Variants in RASAL2 observed in about 807,000 individuals in gnomAD.
RASAL2 encodes the protein ras GTPase-activating protein nGAP.
A neutral mutation model predicts 128.9 loss-of-function variants in RASAL2; 58 were observed. That is an observed-to-expected ratio of 0.45 (90% CI 0.36 to 0.56). The LOEUF (loss-of-function observed/expected upper bound fraction) is 0.56. Among genes scored for constraint, RASAL2 ranks in the 20% least tolerant of loss-of-function variants. The probability of loss-of-function intolerance (pLI) is 0.00; values close to 1 mark genes in which losing one functional copy is unlikely to be tolerated. For synonymous variants in RASAL2, 561 were observed against 580.8 expected, an observed-to-expected ratio of 0.97 and a Z score of 0.49; for missense variants, 1,360 against 1,601.6, an observed-to-expected ratio of 0.85 and a Z score of 2.57.
chr1:178,463,715 A>G (rs933826588), intron 14 of RASAL2, among the ~76,000 whole-genome samples: 1 of 152,134 alleles, frequency 6.6e-6, no homozygotes, highest in African/African-American at 2.4e-5. Flanking sequence ...TGCAAAAGTA[A>G]TTGCAGGTTT....
intron 3 of RASAL2, among the ~76,000 whole-genome samples, chr1:178,309,265 TCTTATTC>T (rs1462859974): frequency 1.3e-5 from 2 of 152,156 alleles, no homozygotes; most frequent in African/African-American, 4.8e-5. Context: ...AAATGTCATG[TCTTATTC>T]CTCTCCTGTA....
chr1:178,234,809 CTG>C (rs916545896), intron 1 of RASAL2, among the ~76,000 whole-genome samples: 1 of 152,058 alleles, frequency 6.6e-6, no homozygotes, highest in African/African-American at 2.4e-5. Context: ...CTTTCTAAAA[CTG>C]TGAGAATTGT....
intron 5 of RASAL2, among the ~76,000 whole-genome samples, chr1:178,437,634 C>T (rs779562395): frequency 2.0e-5 from 3 of 152,060 alleles, no homozygotes; most frequent in Non-Finnish European, 2.9e-5. Flanking sequence ...GATTTTTCCT[C>T]CCAGCAACTC....
At chr1:178,244,893 A>G (rs1664698590) in intron 1 of RASAL2, among the ~76,000 whole-genome samples, 1 of 152,200 alleles carries the variant, frequency 6.6e-6, no homozygotes, top group African/African-American at 2.4e-5. Context: ...GTGTCCCTCC[A>G]AAGGACATGA....
At chr1:178,198,368 G>A (rs1414626662) in intron 1 of RASAL2, among the ~76,000 whole-genome samples, 3 of 152,126 alleles carry the variant, frequency 2.0e-5, no homozygotes, top group Non-Finnish European at 2.9e-5. Flanking sequence ...AGCATCTGGA[G>A]GGGGCACTCT....
At chr1:178,258,891 T>G (rs1160076519) in intron 1 of RASAL2, among the ~76,000 whole-genome samples, 1 of 152,088 alleles carries the variant, frequency 6.6e-6, no homozygotes, top group Non-Finnish European at 1.5e-5. Flanking sequence ...ATAAATAAAA[T>G]GTAGTATATC....
chr1:178,162,291 A>ATATT (rs1661334865), intron 1 of RASAL2, among the ~76,000 whole-genome samples: 1 of 125,318 alleles, frequency 8.0e-6, no homozygotes, highest in Non-Finnish European at 1.6e-5. Context: ...AGATTTCTTT[A>ATATT]TATATATATA....
intron 1 of RASAL2, among the ~76,000 whole-genome samples, chr1:178,270,307 C>A (rs1666187579): frequency 6.6e-6 from 1 of 151,962 alleles, no homozygotes; most frequent in Non-Finnish European, 1.5e-5. Context: ...TCTGTTTCTT[C>A]TTGCCTATTA....
intron 1 of RASAL2, among the ~76,000 whole-genome samples, chr1:178,184,409 G>GT (rs1662221176): frequency 6.7e-6 from 1 of 149,474 alleles, no homozygotes. Flanking sequence ...TTTTAAAGAA[G>GT]TTTTATACTT....
At chr1:178,196,299 A>G (rs1230840646) in intron 1 of RASAL2, among the ~76,000 whole-genome samples, 2 of 152,174 alleles carry the variant, frequency 1.3e-5, no homozygotes, top group African/African-American at 2.4e-5. Flanking sequence ...CTAATACTAT[A>G]AAGAAAGGGA....
intron 3 of RASAL2, among the ~76,000 whole-genome samples, chr1:178,380,714 AT>A (rs1483797534): frequency 3.3e-5 from 5 of 152,218 alleles, no homozygotes; most frequent in Admixed American, 1.3e-4. Flanking sequence ...CAAATGGTTT[AT>A]AAAAACATTG....
intron 1 of RASAL2, among the ~76,000 whole-genome samples, chr1:178,242,477 CTCTCTTTCATCTCTCTCTCTTG>C (rs1664557686): frequency 1.0e-5 from 1 of 99,338 alleles, no homozygotes; most frequent in Admixed American, 1.2e-4. Context: ...CTCTCTCTCT[CTCTCTTTCATCTCTCTCTCTTG>C]TCTCTCTCTC....
At position 178,474,123 on chromosome 1, in the gene RASAL2, T is replaced by C. The variant is rs1009729887; in HGVS notation, c.*884T>C. Reference sequence around the variant, plus strand: ...CACATTCACTGTGCTTTCCTCCCCATAGTGGGAGCTGTCATCACCAACAGG... The same window carrying C: ...CACATTCACTGTGCTTTCCTCCCCACAGTGGGAGCTGTCATCACCAACAGG... On this transcript the variant is annotated 3_prime_UTR_variant, in exon 18 of 18. Transcript: ENST00000367649. The C allele has an allele frequency of 6.6e-6, 1 of 152,636 alleles. No individual in the cohort carries two copies. Among genetic ancestry groups the C allele is most frequent in the Non-Finnish European group, 1.5e-5 (1 of 68,044 alleles). 9.5% of individuals were successfully genotyped at this position (152,636 alleles called of 1,614,324 possible).
intron 1 of RASAL2, among the ~76,000 whole-genome samples, chr1:178,137,593 A>G (rs1426231449): frequency 6.6e-6 from 1 of 152,218 alleles, no homozygotes; most frequent in East Asian, 1.9e-4. Context: ...TCTGAGGTAT[A>G]TAGTAGGACA....
intron 1 of RASAL2, among the ~76,000 whole-genome samples, chr1:178,141,132 G>A (rs1428830117): frequency 1.3e-5 from 2 of 149,698 alleles, no homozygotes; most frequent in African/African-American, 4.9e-5. Flanking sequence ...CCACCCCTGT[G>A]ATCCAAACAC....
chr1:178,165,295 A>T (rs1216937445), intron 1 of RASAL2, among the ~76,000 whole-genome samples: 1 of 152,130 alleles, frequency 6.6e-6, no homozygotes, highest in Non-Finnish European at 1.5e-5. Context: ...CTGTGGATTC[A>T]ACCAACCAAA....
At chr1:178,308,881 C>G (rs528617450) in intron 3 of RASAL2, among the ~76,000 whole-genome samples, 2 of 152,080 alleles carry the variant, frequency 1.3e-5, no homozygotes, top group East Asian at 3.9e-4. Context: ...TTAGAAATAT[C>G]TAGATAATTT....
At chr1:178,256,622 T>G (rs1665355201) in intron 1 of RASAL2, among the ~76,000 whole-genome samples, 1 of 152,158 alleles carries the variant, frequency 6.6e-6, no homozygotes, top group African/African-American at 2.4e-5. Context: ...ATACAGTAAA[T>G]ATATAACTTC....
At position 178,175,332 on chromosome 1, in the gene RASAL2, T is replaced by G. The variant is rs558477989; in HGVS notation, c.202+80638T>G. On this transcript the variant is annotated intron_variant, in intron 1 of 17. Transcript: ENST00000367649. ...GCAAGGGTTTATGATGAAAGGGAGA[T>G]CTACGTCTTCTAACCTAGACTTCCA... Among the ~76,000 whole-genome samples the G allele has an allele frequency of 9.2e-5, 14 of 152,112 alleles. No homozygotes were observed. In the South Asian group the frequency reaches 2.5e-3, roughly 27 times the overall value.
Sources: gnomAD v4.1 joint callset for allele counts (sites outside exome capture counted in the v4.1 genomes callset) on GRCh38, gnomAD v4.1.1 for gene constraint, MANE v1.5 for transcripts, NCBI Gene and HGNC (gene_info 2026-07-23, HGNC 2026-07-21) for gene names.